Variants in FTO observed in about 807,000 individuals in gnomAD.
FTO encodes the protein FTO alpha-ketoglutarate dependent dioxygenase.
FTO carries 47 observed loss-of-function variants against 63.9 expected under a neutral mutation model. That is an observed-to-expected ratio of 0.74 (90% CI 0.58 to 0.94). FTO has a LOEUF of 0.94. Ranked by LOEUF, FTO falls within the 40% of genes least tolerant of loss-of-function variation. The pLI is 0.00. For synonymous variants in FTO, 207 were observed against 224.4 expected (o/e 0.92, Z 0.69); for missense variants, 562 against 618.1 (o/e 0.91, Z 0.96).
chr16:53,733,596 A>G (rs2076321536), intron 1 of FTO, among the ~76,000 whole-genome samples: 1 of 152,194 alleles, frequency 6.6e-6, no homozygotes, highest in Non-Finnish European at 1.5e-5. Flanking sequence ...TAACTCTGGG[A>G]AAAAGTTGTA....
intron 8 of FTO, chr16:54,071,969 T>A (rs948264832): frequency 6.6e-6 from 1 of 152,142 alleles, no homozygotes; most frequent in Admixed American, 6.5e-5. Flanking sequence ...CCGGACAAGG[T>A]ATCCACATCT....
At chr16:54,039,940 T>C (rs1198525988) in intron 8 of FTO, 2 of 152,186 alleles carry the variant, frequency 1.3e-5, no homozygotes, top group African/African-American at 2.4e-5. Context: ...AGAATTGCCA[T>C]TGGTACCTGC....
intron 1 of FTO, among the ~76,000 whole-genome samples, chr16:53,804,615 A>G (rs1325480691): frequency 6.7e-6 from 1 of 148,526 alleles, no homozygotes; most frequent in Non-Finnish European, 1.5e-5. Context: ...TTTTTGGTTT[A>G]GCTACTTCTT....
chr16:53,879,706 A>G, intron 5 of FTO, 138 bp from the exon 6 acceptor site: 1 of 790,066 alleles, frequency 1.3e-6, no homozygotes, highest in East Asian at 2.9e-5. Flanking sequence ...AAAAAAAAAA[A>G]AAAAAAAGGA....
At chr16:53,918,093 T>C (rs906682956) in intron 7 of FTO, among the ~76,000 whole-genome samples, 3 of 152,134 alleles carry the variant, frequency 2.0e-5, no homozygotes, top group Admixed American at 1.3e-4. Flanking sequence ...TGTGGTGATA[T>C]TTGTTAGTTA....
At chr16:53,745,071 A>T (rs1045496889) in intron 1 of FTO, among the ~76,000 whole-genome samples, 6 of 152,216 alleles carry the variant, frequency 3.9e-5, no homozygotes, top group African/African-American at 1.4e-4. Context: ...GAGGTGATTT[A>T]AAAAGATATT....
chr16:53,968,337 T>C (rs1423511537), intron 8 of FTO, among the ~76,000 whole-genome samples: 1 of 152,228 alleles, frequency 6.6e-6, no homozygotes, highest in Non-Finnish European at 1.5e-5. Flanking sequence ...AGCCAAATTC[T>C]ACATGGTTGA....
chr16:54,062,369 A>AG (rs796883019), intron 8 of FTO, among the ~76,000 whole-genome samples: 2 of 152,070 alleles, frequency 1.3e-5, no homozygotes, highest in South Asian at 4.1e-4. Context: ...TGTGCTTGGC[A>AG]GGGGGGTGCG....
rs560008961 is a variant in FTO at position 54,105,615 on chromosome 16, A to G, written c.1365-6147A>G. 2.6e-5 allele frequency among the ~76,000 whole-genome samples: 4 copies of G among 152,308 alleles called. No individual in the cohort carries two copies. The South Asian group carries it at 8.3e-4, about 32-fold the overall frequency. On this transcript the variant is annotated intron_variant, in intron 8 of 8. Transcript: ENST00000471389. Reference sequence around the variant, plus strand: ...GTAAGAAGCAGTGCTGTGGATTGACATTATTCGGGACATTTAAACATTGTA... The same window carrying G: ...GTAAGAAGCAGTGCTGTGGATTGACGTTATTCGGGACATTTAAACATTGTA...
At chr16:54,031,821 A>T (rs1230413811) in intron 8 of FTO, among the ~76,000 whole-genome samples, 1 of 152,218 alleles carries the variant, frequency 6.6e-6, no homozygotes, top group East Asian at 1.9e-4. Flanking sequence ...TTAAGTCCTT[A>T]TCACAATTCT....
intron 1 of FTO, among the ~76,000 whole-genome samples, chr16:53,750,292 C>T (rs560285731): frequency 6.6e-6 from 1 of 151,184 alleles, no homozygotes; most frequent in Non-Finnish European, 1.5e-5. Context: ...GGCTGGAGTG[C>T]AGTGGTGCGA....
intron 4 of FTO, among the ~76,000 whole-genome samples, chr16:53,860,881 A>AACACACACACAC (rs35826323): frequency 1.1e-4 from 16 of 145,726 alleles, no homozygotes; most frequent in African/African-American, 3.0e-4. Flanking sequence ...AAATGTTTTT[A>AACACACACACAC]ACACACACAC....
At chr16:54,056,810 G>C (rs1267001999) in intron 8 of FTO, among the ~76,000 whole-genome samples, 1 of 152,224 alleles carries the variant, frequency 6.6e-6, no homozygotes, top group Non-Finnish European at 1.5e-5. Flanking sequence ...CTGACCCACA[G>C]AAACTGTGAA....
At position 54,074,956 on chromosome 16, in the gene FTO, A is replaced by ATGTGTGTGTGTGT. The variant is rs2085959365; in HGVS notation, c.1365-36806_1365-36805insTGTGTGTGTGTGT. 1.3e-3 allele frequency among the ~76,000 whole-genome samples: 172 copies of ATGTGTGTGTGTGT among 130,600 alleles called. 1 individual carries two copies. The highest frequency in any genetic ancestry group is 4.8e-3 in the African/African-American group (159 of 33,012). The allele number at this position is 130,600 out of a possible 152,430, so 85.7% of individuals were successfully genotyped here. A position where few individuals can be genotyped will look rare whatever the true frequency, so the allele number is the denominator to read the frequency against. On this transcript the variant is annotated intron_variant, in intron 8 of 8. Coordinates refer to ENST00000471389, the MANE Select transcript of FTO (RefSeq NM_001080432.3). ...TGTGTGTGTGTGTGTGTGTGTGTGT[A>ATGTGTGTGTGTGT]AACTGTTTTAGTTTGATAGTTTAGA...
chr16:54,067,177 A>G (rs2085753340), intron 8 of FTO, among the ~76,000 whole-genome samples: 1 of 152,060 alleles, frequency 6.6e-6, no homozygotes, highest in African/African-American at 2.4e-5. Flanking sequence ...AGACTTAAAA[A>G]AAAAAACTTT....
rs1473976471 is a variant in FTO, at chr16:53,826,266, T to A, written c.526T>A (p.Phe176Ile). Reference sequence around the variant, plus strand: ...TGTGCCATTGTGTATGTCTGCAGATTTCCCCAGGGTTGGGATGGGTTCATC... The same window carrying A: ...TGTGCCATTGTGTATGTCTGCAGATATCCCCAGGGTTGGGATGGGTTCATC... ...DAVPLCMSAD[F>I]PRVGMGSSYN... Residue 176 changes from phenylalanine (F) to isoleucine (I), a missense_variant, in exon 3 of 9, where the codon TTC (phenylalanine) becomes ATC (isoleucine). Coordinates refer to ENST00000471389, the MANE Select transcript of FTO (RefSeq NM_001080432.3). The A allele has an allele frequency of 1.2e-6, 2 of 1,614,180 alleles. No homozygotes were observed. The highest frequency in any genetic ancestry group is 3.3e-5 in the Admixed American group (2 of 60,018).
intron 7 of FTO, among the ~76,000 whole-genome samples, chr16:53,926,063 G>T (rs1383165929): frequency 6.6e-6 from 1 of 152,124 alleles, no homozygotes; most frequent in Admixed American, 6.5e-5. Context: ...AATATGCTGT[G>T]TGTTGCCAGA....
chr16:53,890,610 G>A (rs886912163), intron 7 of FTO, among the ~76,000 whole-genome samples: 17 of 152,162 alleles, frequency 1.1e-4, no homozygotes, highest in Non-Finnish European at 2.9e-5. Flanking sequence ...GGGAAGGAAT[G>A]TTATAATCCT....
intron 2 of FTO, among the ~76,000 whole-genome samples, chr16:53,820,011 C>CTTT (rs35719505): frequency 2.9e-5 from 4 of 138,834 alleles, no homozygotes; most frequent in Non-Finnish European, 3.1e-5. Flanking sequence ...TCTTCTTCTT[C>CTTT]TTTTTTTTTT....
Sources: allele counts gnomAD v4.1 joint callset (sites outside exome capture counted in the v4.1 genomes callset), GRCh38; gene constraint gnomAD v4.1.1; transcripts MANE v1.5; gene names NCBI Gene and HGNC (gene_info 2026-07-23, HGNC 2026-07-21).